The following SUPT16H variants were observed in gnomAD, a reference collection of about 807,000 sequenced individuals.
The protein encoded by SUPT16H is SPT16 homolog, facilitates chromatin remodeling subunit, also known as FACT complex subunit SPT16.
In SUPT16H, 24 loss-of-function variants were observed where a neutral mutation model predicts 136.2. That is an observed-to-expected ratio of 0.18 (90% CI 0.13 to 0.25). SUPT16H has a LOEUF of 0.25. SUPT16H is among the 10% of genes least tolerant of loss of function. SUPT16H has a pLI of 1.00. For missense variants in SUPT16H, 623 were observed against 1,270.2 expected, an observed-to-expected ratio of 0.49 and a Z score of 7.74; for synonymous variants, 415 against 428.2, an observed-to-expected ratio of 0.97 and a Z score of 0.38.
In SUPT16H at chr14:21,380,329, TCTCA is replaced by T. The variant is rs964879764; in HGVS notation, c.66+3529_66+3532del. ...TTTTTTTTTAAAGAAATGGGCTCTC[TCTCA>T]CTATGTTGCCCAGGCTGGTCTTGAA... On this transcript the variant is annotated intron_variant, in intron 1 of 25. Coordinates refer to ENST00000216297, the MANE Select transcript of SUPT16H (RefSeq NM_007192.4). 4.7e-3 allele frequency among the ~76,000 whole-genome samples: 310 copies of T among 66,076 alleles called. 1 individual carries two copies. The highest frequency in any genetic ancestry group is 0.014 in the African/African-American group (303 of 21,058). The allele number at this position is 66,076 out of a possible 152,430, so 43.3% of individuals were successfully genotyped here.
In SUPT16H at chr14:21,369,359, T is replaced by C. The variant is rs200200572; in HGVS notation, c.631-4A>G. 7 of 1,613,952 alleles carry C rather than the reference T, an allele frequency of 4.3e-6. No individual in the cohort carries two copies. Among genetic ancestry groups the C allele is most frequent in the Non-Finnish European group, 5.9e-6 (7 of 1,179,968 alleles). Reference sequence around the variant, plus strand: ...CCAGTTTGCTGTGTCGAACTTTCTGTAAGAGCATCCAGAAATAAAGTAACA... The same window carrying C: ...CCAGTTTGCTGTGTCGAACTTTCTGCAAGAGCATCCAGAAATAAAGTAACA... On this transcript the variant is annotated splice_region_variant and splice_polypyrimidine_tract_variant and intron_variant, in intron 5 of 25. Coordinates refer to ENST00000216297, the MANE Select transcript of SUPT16H (RefSeq NM_007192.4).
chr14:21,377,083 A>G (rs931437881), intron 1 of SUPT16H, among the ~76,000 whole-genome samples: 8 of 151,674 alleles, frequency 5.3e-5, no homozygotes, highest in Non-Finnish European at 7.4e-5. Context: ...AAAGAAAAAA[A>G]AAAAAAAAAA....
At chr14:21,354,998 C>T (rs539573387) in intron 22 of SUPT16H, 1 of 153,020 alleles carries the variant, frequency 6.5e-6, no homozygotes, top group African/African-American at 2.4e-5. Context: ...CCAACTGAAA[C>T]AAGCTTTCTC....
In SUPT16H at chr14:21,354,438, G is replaced by A. The variant is rs879123551; in HGVS notation, c.2763C>T (p.Gly921=). 6.2e-7 allele frequency: 1 copy of A among 1,614,106 alleles called. No individual in the cohort carries two copies. The highest frequency in any genetic ancestry group is 2.2e-5 in the East Asian group (1 of 44,882). ...CACCCTCAGGCTCCAGGAAAGACCA[G>A]CCACCTTGTTCGAAGAAGCCCTCAG... The part of the protein sequence containing the change: ...DDPEGFFEQG[G]WSFLEPEGEG... The change falls in exon 23 of 26, where the codon GGC becomes GGT. Residue 921 remains glycine (G), a synonymous_variant. Transcript: ENST00000216297.
intron 1 of SUPT16H, 80 bp from the exon 2 acceptor site, chr14:21,373,510 G>A (rs1886832862): frequency 9.5e-7 from 1 of 1,049,774 alleles, no homozygotes; most frequent in Middle Eastern, 2.0e-4. Flanking sequence ...ATCTAGGACA[G>A]GCATAATTTT....
rs771602041 is a variant in SUPT16H at position 21,362,174 on chromosome 14, T to C, written c.1793+23A>G. ...CCACTCCAGACAAGATGAATCTGGGTATGACTTTTCTTGGGGACTCACATT... is the reference window on the plus strand; with the variant it reads ...CCACTCCAGACAAGATGAATCTGGGCATGACTTTTCTTGGGGACTCACATT... On this transcript the variant is annotated intron_variant, in intron 15 of 25. Transcript: ENST00000216297. The C allele has an allele frequency of 1.6e-5, 25 of 1,608,574 alleles. No individual in the cohort carries two copies. The Admixed American group carries it at 4.2e-4, about 27-fold the overall frequency.
At chr14:21,358,176 A>C in intron 20 of SUPT16H, 139 bp downstream of exon 20, 1 of 819,750 alleles carries the variant, frequency 1.2e-6, no homozygotes, top group Non-Finnish European at 1.9e-6. Context: ...AAACATTTTC[A>C]AGAAAAAATG....
intron 21 of SUPT16H, 36 bp from the exon 22 acceptor site, chr14:21,357,402 A>G (rs1886457479): frequency 2.7e-6 from 4 of 1,504,488 alleles, no homozygotes; most frequent in South Asian, 1.3e-5. Context: ...GCATATAAGT[A>G]TTTCCCCCAA....
At position 21,362,783 on chromosome 14, in the gene SUPT16H, A is replaced by C. The variant is rs779062330; in HGVS notation, c.1665+11T>G. ...AGTTTGGATGAAACCTGATGCACTG[A>C]ATGTCAGTACCTTGATTGTGGCAAT... On this transcript the variant is annotated intron_variant, in intron 14 of 25. Coordinates refer to ENST00000216297, the MANE Select transcript of SUPT16H (RefSeq NM_007192.4). The C allele has an allele frequency of 6.9e-6, 11 of 1,591,688 alleles. No homozygotes were observed. The South Asian group carries it at 1.2e-4, about 17-fold the overall frequency.
At chr14:21,358,814 T>G (rs2139398843) in intron 19 of SUPT16H, among the ~76,000 whole-genome samples, 1 of 152,316 alleles carries the variant, frequency 6.6e-6, no homozygotes, top group Admixed American at 6.5e-5. Flanking sequence ...ATTTATTTAT[T>G]TATTTATTTT....
intron 14 of SUPT16H, 129 bp downstream of exon 14, chr14:21,362,665 G>T: frequency 9.3e-7 from 1 of 1,079,426 alleles, no homozygotes; most frequent in South Asian, 1.7e-5. Flanking sequence ...CAAGAGGGAT[G>T]TCAGTAACTG....
chr14:21,365,010 G>T, intron 9 of SUPT16H, 60 bp downstream of exon 9: 1 of 1,606,962 alleles, frequency 6.2e-7, no homozygotes, highest in South Asian at 1.1e-5. Context: ...ATGCCTAAAA[G>T]AAAATAAAGC....
intron 1 of SUPT16H, among the ~76,000 whole-genome samples, chr14:21,382,345 T>C (rs1237417895): frequency 6.6e-6 from 1 of 151,588 alleles, no homozygotes; most frequent in Non-Finnish European, 1.5e-5. Context: ...ATTTTTGAGA[T>C]ACAAAAAAAA....
Position 21,372,012 on chromosome 14 carries a change from A to T in SUPT16H, c.192T>A (p.Thr64=), listed in dbSNP as rs149864490. The T allele has an allele frequency of 6.2e-7, 1 of 1,613,866 alleles. No homozygotes were observed. The highest frequency in any genetic ancestry group is 8.5e-7 in the Non-Finnish European group (1 of 1,180,016). Residue 64 remains threonine (T), a synonymous_variant, in exon 3 of 26, where the codon ACT becomes ACA. Coordinates refer to ENST00000216297, the MANE Select transcript of SUPT16H (RefSeq NM_007192.4). The stretch of plus-strand genomic sequence containing the variant: ...TTTTGTCATCACAAAAGACCATGAT[A>T]GTATCAGTTAGTTCATAACCAAAGA... The part of the protein sequence containing the change: ...TWLFGYELTD[T]IMVFCDDKII...
chr14:21,361,123 T>C lies in SUPT16H; in HGVS notation c.1884A>G (p.Val628=). The C allele has an allele frequency of 6.2e-7, 1 of 1,614,178 alleles. No homozygotes were observed. Among genetic ancestry groups the C allele is most frequent in the South Asian group, 1.1e-5 (1 of 91,088 alleles). The change falls in exon 16 of 26, where the codon GTA becomes GTG. Residue 628 remains valine, a synonymous_variant. Transcript: ENST00000216297. ...LQNAFRIIKE[V]QKRYKTREAE... ...CTTCTCGAGTTTTATAACGTTTCTGTACTTCTTTAATAATTCGGAAAGCAT... is the reference window on the plus strand; with the variant it reads ...CTTCTCGAGTTTTATAACGTTTCTGCACTTCTTTAATAATTCGGAAAGCAT...
intron 23 of SUPT16H, 112 bp downstream of exon 23, chr14:21,354,299 G>C (rs1374117364): frequency 3.1e-6 from 4 of 1,295,052 alleles, no homozygotes; most frequent in African/African-American, 3.0e-5. Context: ...GTGGTGTTTA[G>C]AGCTTCTCCC....
intron 3 of SUPT16H, among the ~76,000 whole-genome samples, 167 bp from the exon 4 acceptor site, chr14:21,370,655 C>A (rs529533582): frequency 7.2e-5 from 11 of 152,304 alleles, no homozygotes; most frequent in Admixed American, 3.9e-4. Context: ...TCTACTACCC[C>A]CAGGGTAGAG....
chr14:21,353,804 T>C lies in SUPT16H; in HGVS notation c.2819A>G (p.Glu940Gly). Reference sequence around the variant, plus strand: ...AAAAGTCTCATCTTCAATTTCAGACTCTGAATCCCCTTCTTCAGCATCACT... The same window carrying C: ...AAAAGTCTCATCTTCAATTTCAGACCCTGAATCCCCTTCTTCAGCATCACT... ...EGSDAEEGDS[E>G]SEIEDETFNP... is the part of the protein sequence containing the mutation. Residue 940 changes from glutamate to glycine, a missense_variant, in exon 24 of 26, where the codon GAG becomes GGG. By Grantham distance (98) the Glu-to-Gly change is moderately conservative. Coordinates refer to ENST00000216297, the MANE Select transcript of SUPT16H (RefSeq NM_007192.4). 1 of 1,613,984 alleles carries C rather than the reference T, an allele frequency of 6.2e-7. No homozygotes were observed. The highest frequency in any genetic ancestry group is 8.5e-7 in the Non-Finnish European group (1 of 1,179,950).
intron 25 of SUPT16H, 61 bp from the exon 26 acceptor site, chr14:21,352,879 G>A: frequency 6.2e-7 from 1 of 1,603,742 alleles, no homozygotes; most frequent in Non-Finnish European, 8.5e-7. Flanking sequence ...AATATTACTG[G>A]ATAGCATGAG....
Sources: allele counts gnomAD v4.1 joint callset (sites outside exome capture counted in the v4.1 genomes callset), GRCh38; gene constraint gnomAD v4.1.1; transcripts MANE v1.5; gene names NCBI Gene and HGNC (gene_info 2026-07-23, HGNC 2026-07-21).